The following IGF2BP3 variants were observed in gnomAD, a reference collection of about 807,000 sequenced individuals.
IGF2BP3 encodes the protein insulin like growth factor 2 mRNA binding protein 3, also known as insulin-like growth factor 2 mRNA-binding protein 3.
Under a neutral mutation model 73.8 loss-of-function variants are expected in IGF2BP3, and 9 were observed. That is an observed-to-expected ratio of 0.12 (90% CI 0.07 to 0.21). The LOEUF (loss-of-function observed/expected upper bound fraction) is 0.21. Among genes scored for constraint, IGF2BP3 ranks in the 10% least tolerant of loss-of-function variants. The pLI, the probability that IGF2BP3 is intolerant of heterozygous loss-of-function variation, is 1.00. For missense variants in IGF2BP3, 542 were observed against 714.0 expected (o/e 0.76, Z 2.75); for synonymous variants, 258 against 256.7 (o/e 1.01, Z -0.05).
At chr7:23,427,129 T>G (rs1263286972) in intron 2 of IGF2BP3, among the ~76,000 whole-genome samples, 1 of 152,210 alleles carries the variant, frequency 6.6e-6, no homozygotes, top group Non-Finnish European at 1.5e-5. Context: ...CAAGGCTGCT[T>G]CTTTATCTCA....
chr7:23,368,164 C>G (rs887643637), intron 3 of IGF2BP3, among the ~76,000 whole-genome samples: 2 of 152,042 alleles, frequency 1.3e-5, no homozygotes, highest in African/African-American at 4.8e-5. Flanking sequence ...TGAATGCTTA[C>G]TGACTGATGA....
chr7:23,349,435 C>CA (rs1458115699), intron 6 of IGF2BP3, among the ~76,000 whole-genome samples: 1 of 152,176 alleles, frequency 6.6e-6, no homozygotes, highest in East Asian at 1.9e-4. Flanking sequence ...ATAACAGTCC[C>CA]AATCTTAGGA....
At chr7:23,461,105 A>G (rs1461938624) in intron 2 of IGF2BP3, among the ~76,000 whole-genome samples, 1 of 151,926 alleles carries the variant, frequency 6.6e-6, no homozygotes, top group African/African-American at 2.4e-5. Context: ...ACCCTCACTC[A>G]CTTATTCATC....
chr7:23,343,926 C>A lies in IGF2BP3; in HGVS notation c.942-73G>T, dbSNP rs369665991. On this transcript the variant is annotated intron_variant, in intron 8 of 14. Transcript: ENST00000258729. ...AGACAGCTAATAATTCAGCCACAGA[C>A]GGCAATTAAAAACAAACTGTGGAGC... 3.9e-5 allele frequency: 58 copies of A among 1,503,500 alleles called. 1 individual carries two copies. The highest frequency in any genetic ancestry group is 5.2e-5 in the Non-Finnish European group (58 of 1,106,388). 93.1% of individuals were successfully genotyped at this position (1,503,500 alleles called of 1,614,324 possible).
chr7:23,414,828 C>T (rs752278620), intron 3 of IGF2BP3: 6 of 175,524 alleles, frequency 3.4e-5, no homozygotes, highest in Non-Finnish European at 3.6e-5. Flanking sequence ...CCACAGGTCC[C>T]GTCCATCAGT....
intron 2 of IGF2BP3, among the ~76,000 whole-genome samples, chr7:23,430,293 C>T (rs1787637732): frequency 6.6e-6 from 1 of 152,200 alleles, no homozygotes; most frequent in Non-Finnish European, 1.5e-5. Flanking sequence ...CCATGCTGGC[C>T]AGGCTGGTCT....
rs913787883 is a variant in IGF2BP3, at chr7:23,321,315, G to A, written c.1204-2061C>T. Among the ~76,000 whole-genome samples, 8 of 152,312 alleles carry A rather than the reference G, an allele frequency of 5.3e-5. No individual in the cohort carries two copies. In the East Asian group the frequency reaches 5.8e-4, roughly 11 times the overall value. ...CTAGTCAAAGAAAGGGGTGACAGAC[G>A]GCACCTGGAAAATCGGGTCACTCCC... is the stretch of plus-strand genomic sequence containing the variant. On this transcript the variant is annotated intron_variant, in intron 10 of 14. Coordinates refer to ENST00000258729, the MANE Select transcript of IGF2BP3 (RefSeq NM_006547.3).
chr7:23,343,953 T>C lies in IGF2BP3; in HGVS notation c.942-100A>G, dbSNP rs1784773032. On this transcript the variant is annotated intron_variant, in intron 8 of 14. Coordinates refer to ENST00000258729, the MANE Select transcript of IGF2BP3 (RefSeq NM_006547.3). ...GCAATTAAAAACAAACTGTGGAGCCTGGTAATATGTAAAAGTGGGTGGTAA... is the reference window on the plus strand; with the variant it reads ...GCAATTAAAAACAAACTGTGGAGCCCGGTAATATGTAAAAGTGGGTGGTAA... The C allele has an allele frequency of 5.1e-6, 6 of 1,171,890 alleles. No homozygotes were observed. In the South Asian group the frequency reaches 7.1e-5, roughly 14 times the overall value. The allele number at this position is 1,171,890 out of a possible 1,614,324, so 72.6% of individuals were successfully genotyped here. A position where few individuals can be genotyped will look rare whatever the true frequency, so the allele number is the denominator to read the frequency against.
intron 2 of IGF2BP3, among the ~76,000 whole-genome samples, chr7:23,451,828 A>G (rs974490725): frequency 2.3e-4 from 33 of 146,188 alleles, no homozygotes; most frequent in African/African-American, 8.4e-4. Flanking sequence ...GGCGCCTATA[A>G]TCTCAGCTAC....
chr7:23,380,288 C>T (rs956314202), intron 3 of IGF2BP3, among the ~76,000 whole-genome samples: 7 of 151,518 alleles, frequency 4.6e-5, no homozygotes, highest in African/African-American at 9.7e-5. Flanking sequence ...CTCAGCCTCC[C>T]GAGTACTAGG....
At position 23,335,921 on chromosome 7, in the gene IGF2BP3, C is replaced by T. The variant is rs1313926236; in HGVS notation, c.1203+6143G>A. Among the ~76,000 whole-genome samples, 3 of 152,176 alleles carry T rather than the reference C, an allele frequency of 2.0e-5. No individual in the cohort carries two copies. The South Asian group carries it at 6.2e-4, about 32-fold the overall frequency. On this transcript the variant is annotated intron_variant, in intron 10 of 14. Coordinates refer to ENST00000258729, the MANE Select transcript of IGF2BP3 (RefSeq NM_006547.3). ...CGAAGTTTGCCAGTTAAGTACTGTA[C>T]GAGCCAGCTGCTAGGCAGGAACTAG...
At chr7:23,370,966 A>G (rs185555001) in intron 3 of IGF2BP3, among the ~76,000 whole-genome samples, 83 of 152,190 alleles carry the variant, frequency 5.5e-4, no homozygotes, top group Non-Finnish European at 1.1e-3. Flanking sequence ...GGCGTGAGTC[A>G]CTGCGCCCAG....
At chr7:23,349,042 C>T (rs1784898231) in intron 6 of IGF2BP3, among the ~76,000 whole-genome samples, 3 of 152,172 alleles carry the variant, frequency 2.0e-5, no homozygotes, top group Admixed American at 6.5e-5. Flanking sequence ...ACATCCCCAA[C>T]TTACCAACAG....
intron 2 of IGF2BP3, among the ~76,000 whole-genome samples, chr7:23,428,577 C>T (rs181430874): frequency 1.0e-4 from 15 of 150,254 alleles, no homozygotes; most frequent in African/African-American, 3.4e-4. Flanking sequence ...TATGGTGGTA[C>T]ATACTTGTAG....
intron 3 of IGF2BP3, chr7:23,415,366 A>C: frequency 4.9e-6 from 1 of 203,974 alleles, no homozygotes; most frequent in Non-Finnish European, 9.6e-6. Flanking sequence ...AGTCGGCATC[A>C]CCGCATCGCC....
chr7:23,383,579 T>A (rs1327555949), intron 3 of IGF2BP3, among the ~76,000 whole-genome samples: 1 of 152,168 alleles, frequency 6.6e-6, no homozygotes, highest in East Asian at 1.9e-4. Context: ...TGGCAATTTC[T>A]CAAAATGTTA....
chr7:23,360,753 A>G (rs1025099487), intron 5 of IGF2BP3, among the ~76,000 whole-genome samples: 10 of 152,168 alleles, frequency 6.6e-5, no homozygotes, highest in African/African-American at 2.4e-4. Flanking sequence ...TTTCTGACAC[A>G]GAGGACAGTC....
chr7:23,418,970 G>A (rs887902286), intron 2 of IGF2BP3, 146 bp from the exon 3 acceptor site: 15 of 564,922 alleles, frequency 2.7e-5, no homozygotes, highest in Middle Eastern at 4.7e-4. Context: ...AGCCCAAGAA[G>A]GAAAAGCAAA....
At chr7:23,377,926 GGTT>G (rs1785778471) in intron 3 of IGF2BP3, among the ~76,000 whole-genome samples, 1 of 152,100 alleles carries the variant, frequency 6.6e-6, no homozygotes, top group Non-Finnish European at 1.5e-5. Flanking sequence ...GTAGATTAGT[GGTT>G]TCTAGGGCCT....
Sources: allele counts gnomAD v4.1 joint callset (sites outside exome capture counted in the v4.1 genomes callset), GRCh38; gene constraint gnomAD v4.1.1; transcripts MANE v1.5; gene names NCBI Gene and HGNC (gene_info 2026-07-23, HGNC 2026-07-21).